ATP1B3: variants seen among roughly 807,000 people sequenced by gnomAD.
ATP1B3 encodes ATPase Na+/K+ transporting subunit beta 3.
A neutral mutation model predicts 30.2 loss-of-function variants in ATP1B3; 10 were observed. That is an observed-to-expected ratio of 0.33 (90% confidence interval 0.20 to 0.56). The LOEUF (loss-of-function observed/expected upper bound fraction) is 0.56, where lower values mean the gene tolerates loss of function less well. Ranked by LOEUF, ATP1B3 falls within the 20% of genes least tolerant of loss-of-function variation. The pLI, the probability that ATP1B3 is intolerant of heterozygous loss-of-function variation, is 0.90. For synonymous variants in ATP1B3, 113 were observed against 117.0 expected, an observed-to-expected ratio of 0.97 and a Z score of 0.22; for missense variants, 238 against 336.7, an observed-to-expected ratio of 0.71 and a Z score of 2.29.
chr3:141,876,856 T>G lies in ATP1B3; in HGVS notation c.55T>G (p.Phe19Val). 1 of 1,584,852 alleles carries G rather than the reference T, an allele frequency of 6.3e-7. No homozygotes were observed. Among genetic ancestry groups the G allele is most frequent in the Non-Finnish European group, 8.6e-7 (1 of 1,165,444 alleles). The change falls in exon 1 of 7, where the codon TTC becomes GTC. Residue 19 changes from phenylalanine (F) to valine (V), a missense_variant. This residue lies in a region of ATP1B3 where 130 missense variants were observed against 148.8 expected (regional missense o/e 0.87). Coordinates refer to ENST00000286371, the MANE Select transcript of ATP1B3 (RefSeq NM_001679.4). The part of the protein sequence containing the change: ...LNQSLAEWKL[F>V]IYNPTTGEFL... The stretch of plus-strand genomic sequence containing the variant: ...CCAGAGCCTGGCCGAGTGGAAGCTC[T>G]TCATCTACAACCCGACCACCGGAGA...
intron 4 of ATP1B3, among the ~76,000 whole-genome samples, chr3:141,915,349 G>A (rs1934439699): frequency 1.3e-5 from 2 of 152,246 alleles, no homozygotes; most frequent in South Asian, 4.1e-4. Flanking sequence ...GGAATATTTA[G>A]ATTTTACGTG....
chr3:141,916,393 C>T (rs753022204), intron 5 of ATP1B3: 2 of 482,504 alleles, frequency 4.1e-6, no homozygotes, highest in Non-Finnish European at 8.0e-6. Context: ...GCGTGCTAGT[C>T]ATCAGTGCTA....
At chr3:141,922,818 T>G (rs569721564) in intron 6 of ATP1B3, among the ~76,000 whole-genome samples, 1 of 151,344 alleles carries the variant, frequency 6.6e-6, no homozygotes, top group Non-Finnish European at 1.5e-5. Context: ...TACAAAAAAT[T>G]AGCTGGGCGT....
At chr3:141,883,839 A>G (rs1035136830) in intron 1 of ATP1B3, among the ~76,000 whole-genome samples, 1 of 152,216 alleles carries the variant, frequency 6.6e-6, no homozygotes, top group South Asian at 2.1e-4. Context: ...TTCTTTTGTT[A>G]GAGTACTGAT....
In ATP1B3 at chr3:141,925,632, C is replaced by T. The variant is rs1934645149; in HGVS notation, c.771C>T (p.Asn257=). The T allele has an allele frequency of 6.2e-7, 1 of 1,613,360 alleles. No homozygotes were observed. Among genetic ancestry groups the T allele is most frequent in the East Asian group, 2.2e-5 (1 of 44,884 alleles). ...TVECKIDGSA[N]LKSQDDRDKF... is the part of the protein sequence containing the mutation. ...AGTGCAAGATTGATGGATCAGCCAA[C>T]CTAAAAAGTCAGGATGATCGTGACA... The change falls in exon 7 of 7, where the codon AAC becomes AAT. Residue 257 remains asparagine, a synonymous_variant. Transcript: ENST00000286371.
chr3:141,888,688 A>G (rs1275038913), intron 1 of ATP1B3, among the ~76,000 whole-genome samples: 1 of 152,114 alleles, frequency 6.6e-6, no homozygotes. Flanking sequence ...CATGGGAGGA[A>G]CTGAGTGGGT....
chr3:141,889,333 T>A (rs1933892105), intron 1 of ATP1B3, among the ~76,000 whole-genome samples: 1 of 152,188 alleles, frequency 6.6e-6, no homozygotes. Context: ...AATGTTTAAA[T>A]TGTTTCCAAT....
intron 1 of ATP1B3, among the ~76,000 whole-genome samples, chr3:141,885,650 A>G (rs1172434643): frequency 6.6e-6 from 1 of 151,926 alleles, no homozygotes; most frequent in Non-Finnish European, 1.5e-5. Flanking sequence ...ATTTCATCAT[A>G]TTGGTCAGGC....
At chr3:141,878,477 A>G (rs188488562) in intron 1 of ATP1B3, among the ~76,000 whole-genome samples, 1 of 152,304 alleles carries the variant, frequency 6.6e-6, no homozygotes, top group Non-Finnish European at 1.5e-5. Flanking sequence ...TTGATAGGCT[A>G]CCTTCCTCCC....
intron 1 of ATP1B3, among the ~76,000 whole-genome samples, chr3:141,889,948 T>A (rs1301858752): frequency 2.0e-5 from 3 of 151,066 alleles, no homozygotes; most frequent in Admixed American, 6.6e-5. Flanking sequence ...TGTACAATCA[T>A]ACAAAAATAT....
chr3:141,895,959 C>A (rs1934057462), intron 1 of ATP1B3, among the ~76,000 whole-genome samples: 1 of 152,058 alleles, frequency 6.6e-6, no homozygotes, highest in Non-Finnish European at 1.5e-5. Flanking sequence ...ATTTCTCTTC[C>A]CTGGTGACTA....
At chr3:141,923,171 G>A (rs569342703) in intron 6 of ATP1B3, among the ~76,000 whole-genome samples, 26 of 151,844 alleles carry the variant, frequency 1.7e-4, no homozygotes, top group African/African-American at 5.8e-4. Flanking sequence ...CCAGCTACTC[G>A]GGAGACTGAG....
intron 1 of ATP1B3, among the ~76,000 whole-genome samples, chr3:141,901,978 A>G (rs1934171588): frequency 6.6e-6 from 1 of 152,218 alleles, no homozygotes; most frequent in African/African-American, 2.4e-5. Flanking sequence ...GCCCTGGTGT[A>G]GAGGATTTTA....
chr3:141,896,398 G>A (rs1337401732), intron 1 of ATP1B3, among the ~76,000 whole-genome samples: 2 of 152,098 alleles, frequency 1.3e-5, no homozygotes, highest in East Asian at 1.9e-4. Flanking sequence ...GTATGTGCCT[G>A]TAGTCCTAGC....
intron 1 of ATP1B3, among the ~76,000 whole-genome samples, chr3:141,895,604 A>G (rs777442438): frequency 9.9e-5 from 15 of 152,168 alleles, no homozygotes; most frequent in Admixed American, 6.5e-5. Context: ...TATTAATTCA[A>G]CTGTTGGTGG....
chr3:141,899,875 A>C (rs1458392455), intron 1 of ATP1B3, among the ~76,000 whole-genome samples: 2 of 152,032 alleles, frequency 1.3e-5, no homozygotes, highest in Admixed American at 6.6e-5. Context: ...ATCTCCAAAA[A>C]AAAGTGTCAG....
intron 1 of ATP1B3, among the ~76,000 whole-genome samples, chr3:141,891,155 A>T (rs1220247442): frequency 6.6e-6 from 1 of 152,154 alleles, no homozygotes; most frequent in Non-Finnish European, 1.5e-5. Context: ...ATTCCATTTT[A>T]TATGGATTCT....
chr3:141,922,816 A>G (rs1016647385), intron 6 of ATP1B3, among the ~76,000 whole-genome samples: 6 of 151,784 alleles, frequency 4.0e-5, no homozygotes, highest in African/African-American at 1.2e-4. Flanking sequence ...ATTACAAAAA[A>G]TTAGCTGGGC....
intron 1 of ATP1B3, among the ~76,000 whole-genome samples, chr3:141,887,958 G>A (rs1046693604): frequency 5.9e-5 from 9 of 152,204 alleles, no homozygotes; most frequent in Non-Finnish European, 1.3e-4. Context: ...GTGATGATAA[G>A]TGTTCTGTAT....
Sources: gnomAD v4.1 joint callset for allele counts (sites outside exome capture counted in the v4.1 genomes callset) on GRCh38, gnomAD v4.1.1 for gene constraint, gnomAD v4.1.1 regional missense constraint, MANE v1.5 for transcripts, NCBI Gene and HGNC (gene_info 2026-07-23, HGNC 2026-07-21) for gene names.